DMD: variants seen among roughly 807,000 people sequenced by gnomAD.
The protein encoded by DMD is mutant dystrophin.
In DMD, 63 loss-of-function variants were observed where a neutral mutation model predicts 330.1. That is an observed-to-expected ratio of 0.19 (90% CI 0.16 to 0.24). DMD has a LOEUF of 0.24. Among genes scored for constraint, DMD ranks in the 10% least tolerant of loss-of-function variants. DMD has a pLI of 1.00. For synonymous variants in DMD, 1,223 were observed against 959.8 expected, an observed-to-expected ratio of 1.27 and a Z score of -5.07; for missense variants, 3,344 against 2,684.1, an observed-to-expected ratio of 1.25 and a Z score of -5.43.
At chrX:32,794,171 T>G (rs2076020295) in intron 7 of DMD, among the ~76,000 whole-genome samples, 1 of 111,484 alleles carries the variant, frequency 9.0e-6, no homozygotes, top group Non-Finnish European at 1.9e-5. Context: ...AAATTTAACA[T>G]CCCTTCGAGA....
At chrX:31,505,105 C>G (rs771653059) in intron 56 of DMD, among the ~76,000 whole-genome samples, 7 of 112,252 alleles carry the variant, frequency 6.2e-5, no homozygotes, top group Non-Finnish European at 1.3e-4. Flanking sequence ...TAGCATCTTT[C>G]TTTTTCTTTT....
At chrX:33,032,940 G>A (rs934463640) in intron 1 of DMD, among the ~76,000 whole-genome samples, 11 of 111,984 alleles carry the variant, frequency 9.8e-5, no homozygotes, top group African/African-American at 2.6e-4. Context: ...TAGGAATGAA[G>A]GCCAAACATG....
chrX:33,089,698 T>G (rs1352834966), intron 1 of DMD, among the ~76,000 whole-genome samples: 3 of 111,908 alleles, frequency 2.7e-5, no homozygotes, highest in Admixed American at 9.5e-5. Context: ...AGTAATCTTG[T>G]TGACCTAAGC....
chrX:31,182,408 A>T (rs938783990), intron 68 of DMD, among the ~76,000 whole-genome samples: 1 of 112,129 alleles, frequency 8.9e-6, no homozygotes, highest in Non-Finnish European at 1.9e-5. Context: ...AGATGGTAAA[A>T]ATGTTTTGGT....
In DMD at chrX:32,503,353, G is replaced by A. The variant is rs1247540603; in HGVS notation, c.2293-1511C>T. Among the ~76,000 whole-genome samples the A allele has an allele frequency of 2.7e-5, 3 of 112,210 alleles. No individual in the cohort carries two copies. The East Asian group carries it at 8.4e-4, about 32-fold the overall frequency. ...TGCAACGAACTATCATTGCGCCACT[G>A]TACTCCAGCCTGGGCGACAGAGGGA... On this transcript the variant is annotated intron_variant, in intron 18 of 78. Coordinates refer to ENST00000357033, the MANE Select transcript of DMD (RefSeq NM_004006.3).
rs7066579 is a variant in DMD at position 32,652,621 on chromosome X, G to C, written c.961-7469C>G. Among the ~76,000 whole-genome samples, 166 of 110,964 alleles carry C rather than the reference G, an allele frequency of 1.5e-3. 2 individuals are homozygous for C. The highest frequency in any genetic ancestry group is 5.3e-3 in the African/African-American group (161 of 30,493). On this transcript the variant is annotated intron_variant, in intron 9 of 78. Coordinates refer to ENST00000357033, the MANE Select transcript of DMD (RefSeq NM_004006.3). Reference sequence around the variant, plus strand: ...TACGTGTGCATCTGTCTTTATAGCAGCATGATTTTTAATCCTTTGGGAATA... The same window carrying C: ...TACGTGTGCATCTGTCTTTATAGCACCATGATTTTTAATCCTTTGGGAATA...
intron 1 of DMD, among the ~76,000 whole-genome samples, chrX:33,287,448 G>A (rs2053450341): frequency 9.1e-6 from 1 of 110,195 alleles, no homozygotes; most frequent in Non-Finnish European, 1.9e-5. Flanking sequence ...ACTCATGCCT[G>A]GTTGAGAACC....
At chrX:32,481,032 AAG>A (rs1439776614) in intron 21 of DMD, among the ~76,000 whole-genome samples, 1 of 110,733 alleles carries the variant, frequency 9.0e-6, no homozygotes, top group Non-Finnish European at 1.9e-5. Context: ...CTGCAGCTAG[AAG>A]AGTTACCTCA....
At chrX:31,721,718 C>CTCTCTCTCTCTCTCTCTA (rs1227959078) in intron 52 of DMD, among the ~76,000 whole-genome samples, 1 of 56,497 alleles carries the variant, frequency 1.8e-5, no homozygotes, top group Non-Finnish European at 3.3e-5. Context: ...CTCTCTCTCT[C>CTCTCTCTCTCTCTCTCTA]TATATATATA....
At chrX:32,517,021 C>G (rs957664337) in intron 18 of DMD, 6 of 110,726 alleles carry the variant, frequency 5.4e-5, no homozygotes, top group Non-Finnish European at 1.1e-4. Context: ...ATTTTTTTTC[C>G]AGAATATATA....
At chrX:31,524,653 T>C (rs2073109968) in intron 55 of DMD, among the ~76,000 whole-genome samples, 1 of 112,012 alleles carries the variant, frequency 8.9e-6, no homozygotes, top group African/African-American at 3.2e-5. Flanking sequence ...GATAAGTCCA[T>C]GAACATGCGT....
intron 65 of DMD, among the ~76,000 whole-genome samples, chrX:31,208,862 A>T (rs1443391384): frequency 9.0e-6 from 1 of 110,930 alleles, no homozygotes; most frequent in Non-Finnish European, 1.9e-5. Context: ...AAAAAAAAAA[A>T]TCAGAACTGG....
chrX:31,385,922 C>T (rs1339633105), intron 60 of DMD, among the ~76,000 whole-genome samples: 2 of 112,056 alleles, frequency 1.8e-5, no homozygotes, highest in African/African-American at 6.5e-5. Context: ...AAGACACATG[C>T]ACACGTATGT....
intron 60 of DMD, among the ~76,000 whole-genome samples, chrX:31,380,596 A>G (rs2060127536): frequency 9.0e-6 from 1 of 110,974 alleles, no homozygotes; most frequent in Non-Finnish European, 1.9e-5. Context: ...CCCCCATTTT[A>G]CCTGTCCTAA....
At chrX:32,621,318 T>C (rs1489916763) in intron 11 of DMD, among the ~76,000 whole-genome samples, 1 of 111,187 alleles carries the variant, frequency 9.0e-6, no homozygotes, top group Non-Finnish European at 1.9e-5. Flanking sequence ...TTGTACAGTA[T>C]CATAGCCTAC....
intron 44 of DMD, among the ~76,000 whole-genome samples, chrX:32,197,197 T>C (rs952749361): frequency 9.1e-6 from 1 of 109,973 alleles, no homozygotes; most frequent in Non-Finnish European, 1.9e-5. Flanking sequence ...GGGTACATCG[T>C]AGGAGTATAT....
chrX:32,581,170 A>T (rs2053614305), intron 13 of DMD, among the ~76,000 whole-genome samples: 1 of 112,519 alleles, frequency 8.9e-6, no homozygotes, highest in Non-Finnish European at 1.9e-5. Flanking sequence ...GAAGATAAAT[A>T]TCCCTCTATG....
intron 18 of DMD, among the ~76,000 whole-genome samples, chrX:32,507,372 G>A (rs887012197): frequency 9.0e-6 from 1 of 111,449 alleles, no homozygotes; most frequent in Non-Finnish European, 1.9e-5. Context: ...AGTAGAATGA[G>A]AACACTATGT....
rs371446296 is a variant in DMD, at chrX:33,100,518, C to T, written c.32-80318G>A. On this transcript the variant is annotated intron_variant, in intron 1 of 78. Transcript: ENST00000357033. The stretch of plus-strand genomic sequence containing the variant: ...ACCAGCCTGACCAAAATGGCGAAAC[C>T]CCATCTGTACTACTAATATAAAATT... Among the ~76,000 whole-genome samples the T allele has an allele frequency of 4.6e-4, 51 of 110,393 alleles. No homozygotes were observed. In the South Asian group the frequency reaches 9.0e-3, roughly 19 times the overall value.
Sources: allele counts gnomAD v4.1 joint callset (sites outside exome capture counted in the v4.1 genomes callset), GRCh38; gene constraint gnomAD v4.1.1; transcripts MANE v1.5; gene names NCBI Gene and HGNC (gene_info 2026-07-23, HGNC 2026-07-21).